Variants in EXOC3L2 observed in about 807,000 individuals in gnomAD.
The protein encoded by EXOC3L2 is exocyst complex component 3 like 2, also known as exocyst complex component 3-like protein 2.
Under a neutral mutation model 44.4 loss-of-function variants are expected in EXOC3L2, and 17 were observed. The ratio of observed to expected loss-of-function variants is 0.38; its 90% CI spans 0.26 to 0.57. The LOEUF (loss-of-function observed/expected upper bound fraction) is 0.57. EXOC3L2 is among the 20% of genes least tolerant of loss of function. The pLI is 0.65. For synonymous variants in EXOC3L2, 256 were observed against 253.7 expected, an observed-to-expected ratio of 1.01 and a Z score of -0.09; for missense variants, 541 against 588.4, an observed-to-expected ratio of 0.92 and a Z score of 0.83.
intron 8 of EXOC3L2, among the ~76,000 whole-genome samples, chr19:45,222,786 A>G (rs914199721): frequency 5.3e-5 from 8 of 152,152 alleles, no homozygotes; most frequent in African/African-American, 1.9e-4. Flanking sequence ...ATAGACTAAG[A>G]CCGTAGATTC....
At chr19:45,228,349 C>A (rs1173983692) in intron 4 of EXOC3L2, 83 bp from the exon 5 acceptor site, 16 of 1,206,546 alleles carry the variant, frequency 1.3e-5, no homozygotes, top group Non-Finnish European at 1.9e-5. Flanking sequence ...CACCACAATC[C>A]CCTAGCCCTT....
At chr19:45,218,348 T>C (rs1969860742) in intron 8 of EXOC3L2, 29 bp from the exon 9 acceptor site, 2 of 1,559,360 alleles carry the variant, frequency 1.3e-6, no homozygotes, top group African/African-American at 2.7e-5. Flanking sequence ...GGGGTCACGC[T>C]CTCCTCCCTC....
chr19:45,228,311 G>T (rs768582434), intron 4 of EXOC3L2, 45 bp from the exon 5 acceptor site: 1 of 1,571,866 alleles, frequency 6.4e-7, no homozygotes, highest in African/African-American at 1.4e-5. Flanking sequence ...GGGGCGGCCT[G>T]GAGGTCTTTT....
chr19:45,218,696 TG>T (rs1369212332), intron 8 of EXOC3L2, among the ~76,000 whole-genome samples: 1 of 151,816 alleles, frequency 6.6e-6, no homozygotes, highest in Non-Finnish European at 1.5e-5. Context: ...AGTGGCTCAA[TG>T]GGAGAAAATA....
Position 45,213,153 on chromosome 19 carries a change from GGGGAGGCGGCCCAGGAAGAGA to G in EXOC3L2, c.2304_2324del (p.Phe770_Leu776del). The G allele has an allele frequency of 1.3e-6, 2 of 1,590,944 alleles. No individual in the cohort carries two copies. Among genetic ancestry groups the G allele is most frequent in the East Asian group, 2.3e-5 (1 of 43,678 alleles). On this transcript the variant is annotated inframe_deletion, in exon 12 of 12. Coordinates refer to ENST00000413988, the MANE Select transcript of EXOC3L2 (RefSeq NM_001382422.1). ...AACTGGGCCTGGCCAGCCGGGAGAG[GGGGAGGCGGCCCAGGAAGAGA>G]GGGAGGCTGAGACAGAAAGATGGGC...
chr19:45,243,949 A>T (rs1409950298), intron 1 of EXOC3L2, among the ~76,000 whole-genome samples: 1 of 151,084 alleles, frequency 6.6e-6, no homozygotes, highest in Non-Finnish European at 1.5e-5. Flanking sequence ...TTTTTTAGAC[A>T]GTCTCACTCT....
intron 7 of EXOC3L2, among the ~76,000 whole-genome samples, chr19:45,225,288 A>T (rs10410694): frequency 0.087 from 12,453 of 143,226 alleles, 696 homozygotes; most frequent in African/African-American, 0.16. Flanking sequence ...TTTTTTTTTG[A>T]GACGGAGTCT....
At chr19:45,233,363 TA>T (rs1219550827) in intron 3 of EXOC3L2, among the ~76,000 whole-genome samples, 1 of 152,242 alleles carries the variant, frequency 6.6e-6, no homozygotes, top group Non-Finnish European at 1.5e-5. Context: ...CCATACATTC[TA>T]AGTTCTAAGA....
rs756351864 is a variant in EXOC3L2, at chr19:45,218,209, G to A, written c.1830C>T (p.Asp610=). 4.9e-6 allele frequency: 7 copies of A among 1,440,400 alleles called. No homozygotes were observed. The highest frequency in any genetic ancestry group is 3.6e-5 in the South Asian group (3 of 84,378). 89.2% of individuals were successfully genotyped at this position (1,440,400 alleles called of 1,614,324 possible). The change falls in exon 9 of 12, where the codon GAC becomes GAT. Residue 610 remains aspartate, a synonymous_variant. Transcript: ENST00000413988. The part of the protein sequence containing the change: ...AQALALRRMQ[D]EPYQALVAEL... The stretch of plus-strand genomic sequence containing the variant: ...CAGGCAGGTGCACCTGGTAAGGCTC[G>A]TCCTGCATTCTGCGCAGGGCCAGGG...
At chr19:45,230,288 G>A (rs570691788) in intron 4 of EXOC3L2, among the ~76,000 whole-genome samples, 11 of 152,168 alleles carry the variant, frequency 7.2e-5, no homozygotes, top group African/African-American at 1.7e-4. Context: ...GTGCGATCTC[G>A]GCTCACTGCA....
At chr19:45,223,916 C>T (rs1256560654) in intron 8 of EXOC3L2, among the ~76,000 whole-genome samples, 9 of 151,994 alleles carry the variant, frequency 5.9e-5, no homozygotes, top group African/African-American at 1.9e-4. Flanking sequence ...ATCGCTTGAA[C>T]CTGGGAGGCA....
intron 9 of EXOC3L2, 33 bp downstream of exon 9, chr19:45,218,164 A>ACCCC: frequency 2.5e-6 from 1 of 404,066 alleles, no homozygotes; most frequent in South Asian, 4.9e-5. Flanking sequence ...CTTTTCCCCC[A>ACCCC]CCCCCACCTC....
chr19:45,243,237 G>C (rs1393635036), intron 1 of EXOC3L2, among the ~76,000 whole-genome samples: 1 of 152,200 alleles, frequency 6.6e-6, no homozygotes, highest in East Asian at 1.9e-4. Context: ...ATGTTCACTT[G>C]TTCTTCTATT....
chr19:45,233,244 G>A (rs893343603), intron 3 of EXOC3L2, among the ~76,000 whole-genome samples: 10 of 150,674 alleles, frequency 6.6e-5, no homozygotes, highest in East Asian at 1.9e-4. Context: ...AATAAATAAC[G>A]TCCTAAAACT....
intron 8 of EXOC3L2, 147 bp downstream of exon 8, chr19:45,224,631 C>G: frequency 8.0e-7 from 1 of 1,252,750 alleles, no homozygotes; most frequent in Non-Finnish European, 1.1e-6. Context: ...CACCAACAGC[C>G]CAGGCATGGC....
intron 10 of EXOC3L2, chr19:45,216,837 C>T (rs1028959643): frequency 6.6e-6 from 1 of 152,070 alleles, no homozygotes; most frequent in Non-Finnish European, 1.5e-5. Flanking sequence ...AAAAATTTTC[C>T]AAAGAAAACA....
chr19:45,231,868 G>T lies in EXOC3L2; in HGVS notation c.1164C>A (p.Val388=). 1 of 1,591,054 alleles carries T rather than the reference G, an allele frequency of 6.3e-7. No homozygotes were observed. The highest frequency in any genetic ancestry group is 8.6e-7 in the Non-Finnish European group (1 of 1,162,114). Residue 388 remains valine (V), a synonymous_variant, in exon 4 of 12, where the codon GTC becomes GTA. Transcript: ENST00000413988. ...GGGCGGCCATGTCCACCAGCCCTAGGACCTCTCTGGGGATGGGGGTGAGAG... is the reference window on the plus strand; with the variant it reads ...GGGCGGCCATGTCCACCAGCCCTAGTACCTCTCTGGGGATGGGGGTGAGAG... ...HWHNQVYPRE[V]LGLVDMAALE...
chr19:45,236,606 G>C (rs1451350052), intron 2 of EXOC3L2, among the ~76,000 whole-genome samples: 1 of 151,982 alleles, frequency 6.6e-6, no homozygotes, highest in Non-Finnish European at 1.5e-5. Context: ...CTCAGGATAG[G>C]GGTGAAGATA....
chr19:45,231,939 C>G, intron 3 of EXOC3L2, 65 bp from the exon 4 acceptor site: 1 of 1,021,130 alleles, frequency 9.8e-7, no homozygotes, highest in Non-Finnish European at 1.4e-6. Context: ...GGAACCTTCC[C>G]CACACCCTCC....
Sources: gnomAD v4.1 joint callset for allele counts (sites outside exome capture counted in the v4.1 genomes callset) on GRCh38, gnomAD v4.1.1 for gene constraint, MANE v1.5 for transcripts, NCBI Gene and HGNC (gene_info 2026-07-23, HGNC 2026-07-21) for gene names.